Variants in PDE6A observed in about 807,000 individuals in gnomAD.
The protein encoded by PDE6A is rod cGMP-specific 3',5'-cyclic phosphodiesterase subunit alpha.
PDE6A carries 84 observed loss-of-function variants against 106.3 expected under a neutral mutation model. The observed-to-expected ratio is 0.79, with a 90% CI of 0.66 to 0.95. The LOEUF (loss-of-function observed/expected upper bound fraction) is 0.95, where lower values mean the gene tolerates loss of function less well. Among genes scored for constraint, PDE6A ranks in the 40% least tolerant of loss-of-function variants. The probability of loss-of-function intolerance (pLI) is 0.00; values close to 1 mark genes in which losing one functional copy is unlikely to be tolerated. For synonymous variants in PDE6A, 394 were observed against 386.6 expected (o/e 1.02, Z -0.23); for missense variants, 1,052 against 1,084.9 (o/e 0.97, Z 0.43).
intron 5 of PDE6A, 148 bp downstream of exon 5, chr5:149,921,487 T>G (rs563615401): frequency 2.5e-5 from 16 of 635,448 alleles, no homozygotes; most frequent in Non-Finnish European, 4.5e-5. Flanking sequence ...TGTCTGCTAT[T>G]GAATATGAGA....
chr5:149,898,647 G>A (rs1752848515), intron 9 of PDE6A, 141 bp from the exon 10 acceptor site: 5 of 781,218 alleles, frequency 6.4e-6, no homozygotes, highest in Non-Finnish European at 1.0e-5. Flanking sequence ...CCACCTTGCG[G>A]AGTTCTTATA....
At chr5:149,924,070 T>C (rs1466123842) in intron 4 of PDE6A, among the ~76,000 whole-genome samples, 2 of 152,204 alleles carry the variant, frequency 1.3e-5, no homozygotes, top group African/African-American at 2.4e-5. Flanking sequence ...GAAAACAATT[T>C]TAATTCTAGG....
chr5:149,895,367 A>C, intron 12 of PDE6A, 77 bp from the exon 13 acceptor site: 1 of 973,474 alleles, frequency 1.0e-6, no homozygotes, highest in Middle Eastern at 2.1e-4. Flanking sequence ...AAAAATATGA[A>C]GAAGGCATGG....
intron 14 of PDE6A, 50 bp downstream of exon 14, chr5:149,886,215 G>A (rs375819379): frequency 3.4e-5 from 45 of 1,339,080 alleles, no homozygotes; most frequent in Non-Finnish European, 4.5e-5. Flanking sequence ...GCCACACAGA[G>A]CTGGATAATG....
intron 13 of PDE6A, among the ~76,000 whole-genome samples, chr5:149,888,951 C>T (rs889168444): frequency 2.0e-5 from 3 of 151,394 alleles, no homozygotes; most frequent in Admixed American, 6.6e-5. Context: ...GGCATGGTGG[C>T]GGGCGCCTGT....
At chr5:149,943,348 T>C (rs551279660) in intron 1 of PDE6A, among the ~76,000 whole-genome samples, 1 of 152,280 alleles carries the variant, frequency 6.6e-6, no homozygotes, top group East Asian at 1.9e-4. Context: ...GGTTACAGAT[T>C]AATAGCATCT....
intron 14 of PDE6A, among the ~76,000 whole-genome samples, chr5:149,885,825 G>A (rs948974217): frequency 3.3e-5 from 5 of 152,186 alleles, no homozygotes; most frequent in African/African-American, 7.2e-5. Flanking sequence ...AGGAGAATCC[G>A]TTTCCTTGCT....
chr5:149,929,466 G>A (rs575898055), intron 4 of PDE6A, among the ~76,000 whole-genome samples: 1 of 152,094 alleles, frequency 6.6e-6, no homozygotes, highest in Admixed American at 6.6e-5. Context: ...AATTAGCCAG[G>A]CATGGTGGTG....
intron 14 of PDE6A, among the ~76,000 whole-genome samples, chr5:149,885,631 A>C (rs141737587): frequency 6.6e-6 from 1 of 152,342 alleles, no homozygotes; most frequent in East Asian, 1.9e-4. Context: ...TCTTGGCTCA[A>C]ATTAGTGCAG....
chr5:149,870,674 C>T (rs1473969985), intron 17 of PDE6A, among the ~76,000 whole-genome samples: 2 of 151,448 alleles, frequency 1.3e-5, no homozygotes, highest in Non-Finnish European at 2.9e-5. Context: ...ACTCCAGCAC[C>T]TCCCCCTTAT....
rs372477341 is a variant in PDE6A, at chr5:149,902,339, C to T, written c.1113+1309G>A. 3.9e-5 allele frequency among the ~76,000 whole-genome samples: 6 copies of T among 152,174 alleles called. 2 individuals carry two copies. Among genetic ancestry groups the T allele is most frequent in the East Asian group, 1.9e-4 (1 of 5,182 alleles). On this transcript the variant is annotated intron_variant, in intron 8 of 21. Coordinates refer to ENST00000255266, the MANE Select transcript of PDE6A (RefSeq NM_000440.3). ...TTAAGTCAGAATCTCCAGCGATGCC[C>T]CTCCTCTCCCCTCTGCCCTTCTCCT...
chr5:149,940,543 T>G (rs1381279800), intron 1 of PDE6A, among the ~76,000 whole-genome samples: 1 of 151,220 alleles, frequency 6.6e-6, no homozygotes, highest in Admixed American at 6.6e-5. Flanking sequence ...TGTTGCCCAG[T>G]CTGGAGTGCA....
intron 4 of PDE6A, among the ~76,000 whole-genome samples, chr5:149,928,208 G>GAGATATATATATATATAT: frequency 1.7e-5 from 1 of 57,732 alleles, no homozygotes; most frequent in East Asian, 3.3e-4. Flanking sequence ...AATTGTATGT[G>GAGATATATATATATATAT]CTATATATAT....
chr5:149,938,423 G>C (rs534449735), intron 1 of PDE6A, among the ~76,000 whole-genome samples: 9 of 152,288 alleles, frequency 5.9e-5, no homozygotes, highest in African/African-American at 1.9e-4. Flanking sequence ...TTATTAGCCA[G>C]AGGAAGTGCT....
rs778014812 is a variant in PDE6A, at chr5:149,944,421, G to T, written c.253C>A (p.Leu85Met). The change falls in exon 1 of 22, where the codon CTG becomes ATG. Residue 85 changes from leucine (L) to methionine (M), a missense_variant. Leu to Met is a conservative substitution (Grantham distance 15). Around this residue, in one of 3 missense-constraint regions of PDE6A, gnomAD observed 913 missense variants for 915.2 expected, o/e 1.00. Transcript: ENST00000255266. ...EKCIFNVMKK[L>M]CFLLQADRMS... ...CGGTCTGCCTGCAGGAGGAAGCACA[G>T]CTTCTTCATGACATTGAAGATGCAT... The T allele has an allele frequency of 6.2e-7, 1 of 1,614,138 alleles. No homozygotes were observed. Among genetic ancestry groups the T allele is most frequent in the East Asian group, 2.2e-5 (1 of 44,886 alleles).
intron 17 of PDE6A, among the ~76,000 whole-genome samples, chr5:149,876,961 GAT>G (rs911478788): frequency 1.9e-4 from 29 of 151,524 alleles, no homozygotes; most frequent in Non-Finnish European, 1.8e-4. Flanking sequence ...TAGATAGATA[GAT>G]AGATAATATG....
intron 3 of PDE6A, 24 bp downstream of exon 3, chr5:149,933,906 A>G: frequency 1.3e-6 from 2 of 1,559,404 alleles, no homozygotes; most frequent in Non-Finnish European, 1.8e-6. Flanking sequence ...AGTCAAGTCC[A>G]TTCCCTTGGC....
chr5:149,933,808 T>C (rs1754110198), intron 3 of PDE6A, 122 bp downstream of exon 3: 2 of 727,404 alleles, frequency 2.7e-6, no homozygotes, highest in Admixed American at 2.0e-5. Context: ...ATAACACTCG[T>C]GATGCTGGCC....
chr5:149,907,460 C>G, intron 6 of PDE6A, 82 bp from the exon 7 acceptor site: 3 of 1,123,404 alleles, frequency 2.7e-6, no homozygotes, highest in Non-Finnish European at 4.1e-6. Context: ...TTTGCGCTCC[C>G]CCTGCTCTCA....
Sources: allele counts gnomAD v4.1 joint callset (sites outside exome capture counted in the v4.1 genomes callset), GRCh38; gene constraint gnomAD v4.1.1; regional missense constraint gnomAD v4.1.1; transcripts MANE v1.5; gene names NCBI Gene and HGNC (gene_info 2026-07-23, HGNC 2026-07-21).